PRKCE: variants seen among roughly 807,000 people sequenced by gnomAD.
PRKCE encodes the protein protein kinase C epsilon type.
In PRKCE, 16 loss-of-function variants were observed where a neutral mutation model predicts 85.4. That is an observed-to-expected ratio of 0.19 (90% CI 0.13 to 0.28). The LOEUF (loss-of-function observed/expected upper bound fraction) is 0.28, where lower values mean the gene tolerates loss of function less well. Among genes scored for constraint, PRKCE ranks in the 10% least tolerant of loss-of-function variants. The pLI, the probability that PRKCE is intolerant of heterozygous loss-of-function variation, is 1.00. For synonymous variants in PRKCE, 388 were observed against 371.5 expected, an observed-to-expected ratio of 1.04 and a Z score of -0.51; for missense variants, 573 against 975.2, an observed-to-expected ratio of 0.59 and a Z score of 5.49.
At chr2:45,837,216 G>A (rs1339286802) in intron 1 of PRKCE, among the ~76,000 whole-genome samples, 1 of 152,190 alleles carries the variant, frequency 6.6e-6, no homozygotes, top group Non-Finnish European at 1.5e-5. Context: ...GTGTGGTGTC[G>A]AGGAAGAAAC....
intron 1 of PRKCE, among the ~76,000 whole-genome samples, chr2:45,804,782 G>A (rs1403959279): frequency 6.6e-6 from 1 of 152,188 alleles, no homozygotes; most frequent in African/African-American, 2.4e-5. Context: ...CGGCTTGGCA[G>A]TGTTGATGTA....
intron 2 of PRKCE, among the ~76,000 whole-genome samples, chr2:45,868,598 A>G (rs1286104685): frequency 6.6e-6 from 1 of 150,840 alleles, no homozygotes; most frequent in Non-Finnish European, 1.5e-5. Flanking sequence ...TACTGGGATT[A>G]TAGGCGTGAG....
At chr2:45,976,643 G>T in intron 3 of PRKCE, 55 bp downstream of exon 3, 2 of 1,575,776 alleles carry the variant, frequency 1.3e-6, no homozygotes, top group Non-Finnish European at 1.7e-6. Context: ...CAAGATGTCG[G>T]GGATGGGGTA....
intron 2 of PRKCE, 35 bp downstream of exon 2, chr2:45,843,098 C>T (rs371618393): frequency 8.2e-6 from 13 of 1,592,476 alleles, no homozygotes; most frequent in Middle Eastern, 1.7e-4. Context: ...CTGTTTTCTT[C>T]CATTGGCCCT....
At chr2:46,042,426 C>T (rs1708268707) in intron 10 of PRKCE, among the ~76,000 whole-genome samples, 1 of 152,162 alleles carries the variant, frequency 6.6e-6, no homozygotes. Context: ...AGAAAACAAA[C>T]AAAAGTAAAC....
intron 11 of PRKCE, among the ~76,000 whole-genome samples, chr2:46,121,768 C>T (rs914180096): frequency 6.6e-6 from 1 of 152,152 alleles, no homozygotes; most frequent in East Asian, 1.9e-4. Context: ...TGCAGGGCCT[C>T]GTACACCTAA....
intron 2 of PRKCE, among the ~76,000 whole-genome samples, chr2:45,884,802 A>T (rs1209204211): frequency 6.6e-6 from 1 of 151,650 alleles, no homozygotes; most frequent in Non-Finnish European, 1.5e-5. Context: ...TGAAGAGCGA[A>T]AGACACCCTT....
intron 1 of PRKCE, among the ~76,000 whole-genome samples, chr2:45,777,990 A>C (rs57589572): frequency 0.047 from 7,081 of 152,136 alleles, 261 homozygotes; most frequent in African/African-American, 0.11. Context: ...TCTGTATCAC[A>C]GGATGAGCAG....
chr2:45,910,674 T>C (rs1408587172), intron 2 of PRKCE, among the ~76,000 whole-genome samples: 1 of 152,190 alleles, frequency 6.6e-6, no homozygotes, highest in Non-Finnish European at 1.5e-5. Flanking sequence ...CAGCAGGGGC[T>C]CAGTAAACAC....
At chr2:45,750,073 C>T (rs1683428465) in intron 1 of PRKCE, among the ~76,000 whole-genome samples, 1 of 152,202 alleles carries the variant, frequency 6.6e-6, no homozygotes, top group African/African-American at 2.4e-5. Context: ...GTATCATCTT[C>T]ATCTCCTTTG....
chr2:45,723,188 C>T (rs1456066652), intron 1 of PRKCE, among the ~76,000 whole-genome samples: 2 of 151,702 alleles, frequency 1.3e-5, no homozygotes, highest in Non-Finnish European at 2.9e-5. Context: ...CCACTTCTGC[C>T]CTCCTGGGAC....
At chr2:45,756,961 G>T (rs560759745) in intron 1 of PRKCE, among the ~76,000 whole-genome samples, 1 of 152,138 alleles carries the variant, frequency 6.6e-6, no homozygotes, top group Non-Finnish European at 1.5e-5. Context: ...CTTATTTAAA[G>T]AGTGTTCAGC....
At chr2:46,047,018 T>G (rs1373879511) in intron 10 of PRKCE, among the ~76,000 whole-genome samples, 5 of 152,224 alleles carry the variant, frequency 3.3e-5, no homozygotes, top group Non-Finnish European at 5.9e-5. Context: ...CAGCCTGCTC[T>G]CTGTCCCTTC....
chr2:45,765,157 C>T (rs1216282348), intron 1 of PRKCE, among the ~76,000 whole-genome samples: 3 of 152,232 alleles, frequency 2.0e-5, no homozygotes, highest in African/African-American at 7.2e-5. Flanking sequence ...TTAAGCCATG[C>T]ATAACTCTAA....
intron 2 of PRKCE, among the ~76,000 whole-genome samples, chr2:45,922,338 CT>C (rs1291550110): frequency 4.6e-5 from 7 of 152,142 alleles, no homozygotes; most frequent in Non-Finnish European, 8.8e-5. Context: ...CCCCAAAACT[CT>C]TTATACTGGC....
intron 2 of PRKCE, among the ~76,000 whole-genome samples, chr2:45,889,310 G>A (rs1187972427): frequency 6.6e-6 from 1 of 152,106 alleles, no homozygotes; most frequent in Admixed American, 6.5e-5. Context: ...AGCCAGGACA[G>A]CAAAGCCCTA....
chr2:45,935,094 T>TGGGTGACAAAGTG (rs1558854942), intron 2 of PRKCE, among the ~76,000 whole-genome samples: 5 of 117,408 alleles, frequency 4.3e-5, no homozygotes, highest in Non-Finnish European at 9.0e-5. Context: ...CACACACACA[T>TGGGTGACAAAGTG]AGAAAATGGA....
intron 10 of PRKCE, among the ~76,000 whole-genome samples, chr2:46,017,493 A>G (rs1706269027): frequency 6.6e-6 from 1 of 152,232 alleles, no homozygotes; most frequent in African/African-American, 2.4e-5. Flanking sequence ...GCTACTATGA[A>G]TAATGCTGCT....
chr2:45,843,618 T>A (rs1320596916), intron 2 of PRKCE, among the ~76,000 whole-genome samples: 2 of 152,232 alleles, frequency 1.3e-5, no homozygotes, highest in East Asian at 1.9e-4. Context: ...CACCCTCTTC[T>A]TTCAATCCTT....
Sources: allele counts gnomAD v4.1 joint callset (sites outside exome capture counted in the v4.1 genomes callset), GRCh38; gene constraint gnomAD v4.1.1; transcripts MANE v1.5; gene names NCBI Gene and HGNC (gene_info 2026-07-23, HGNC 2026-07-21).